ZNF469: variants seen among roughly 807,000 people sequenced by gnomAD.
ZNF469 encodes zinc finger protein 469.
ZNF469 carries 1 observed loss-of-function variant against 1.0 expected under a neutral mutation model. That is an observed-to-expected ratio of 1.00 (90% CI 0.35 to 4.73). The LOEUF (loss-of-function observed/expected upper bound fraction) is 4.73. Among genes scored for constraint, ZNF469 ranks in the 30% most tolerant of loss-of-function variants. The pLI, the probability that ZNF469 is intolerant of heterozygous loss-of-function variation, is 0.16. For missense variants in ZNF469, 6,100 were observed against 5,356.3 expected (o/e 1.14, Z -4.33); for synonymous variants, 2,703 against 2,363.4 (o/e 1.14, Z -4.17).
intron 1 of ZNF469, among the ~76,000 whole-genome samples, chr16:88,390,140 G>A (rs1218592922): frequency 4.6e-5 from 7 of 152,218 alleles, no homozygotes; most frequent in African/African-American, 7.2e-5. Flanking sequence ...CACTGACTCC[G>A]GGAAACCCAG....
chr16:88,270,672 C>T, the ZNF469 span, among the ~76,000 whole-genome samples: 7 of 152,338 alleles, frequency 4.6e-5, no homozygotes, highest in East Asian at 9.7e-4. Flanking sequence ...GCTCACTCCA[C>T]GGGAAAATTC....
chr16:88,368,722 T>G, the ZNF469 span, among the ~76,000 whole-genome samples: 1 of 151,394 alleles, frequency 6.6e-6, no homozygotes, highest in Non-Finnish European at 1.5e-5. Context: ...TCTGGGAGAC[T>G]GTGGCCTGGG....
chr16:88,353,371 C>A, the ZNF469 span, among the ~76,000 whole-genome samples: 4 of 152,294 alleles, frequency 2.6e-5, no homozygotes, highest in African/African-American at 9.6e-5. Context: ...TGTCACTACT[C>A]CCATGCCAAT....
chr16:88,180,746 C>G, the ZNF469 span, among the ~76,000 whole-genome samples: 2 of 71,678 alleles, frequency 2.8e-5, no homozygotes, highest in Non-Finnish European at 5.5e-5. Context: ...TGCACTCCAG[C>G]CTGGGTGACA....
At chr16:88,350,431 A>G in the ZNF469 span, among the ~76,000 whole-genome samples, 1 of 152,220 alleles carries the variant, frequency 6.6e-6, no homozygotes, top group African/African-American at 2.4e-5. Flanking sequence ...GAGGGCAGGG[A>G]AGCCCCACCA....
the ZNF469 span, among the ~76,000 whole-genome samples, chr16:88,270,036 C>T: frequency 6.6e-6 from 1 of 152,222 alleles, no homozygotes; most frequent in African/African-American, 2.4e-5. Flanking sequence ...GCACTGCCTC[C>T]TGTAGACGGG....
chr16:88,127,662 C>T, the ZNF469 span, among the ~76,000 whole-genome samples: 3 of 152,100 alleles, frequency 2.0e-5, no homozygotes, highest in South Asian at 6.2e-4. Flanking sequence ...CCTGGGGCTG[C>T]CCTGTCTCAC....
chr16:88,316,193 G>A, the ZNF469 span, among the ~76,000 whole-genome samples: 3 of 152,226 alleles, frequency 2.0e-5, no homozygotes, highest in East Asian at 1.9e-4. Context: ...GTTTTCATAC[G>A]TTTTGAACAG....
At chr16:88,232,146 T>G in the ZNF469 span, among the ~76,000 whole-genome samples, 1 of 152,014 alleles carries the variant, frequency 6.6e-6, no homozygotes, top group East Asian at 1.9e-4. Context: ...GACGGCAAGG[T>G]CCCTGCTGAG....
rs1485255411 is a variant in ZNF469 at position 88,437,034 on chromosome 16, G to T, written c.9564G>T (p.Trp3188Cys). ...GCCTGAAGGAGGTGGCCGACGTCTG[G>T]ATGTACAACGAGCACCTGCGTGAGC... The part of the protein sequence containing the change: ...GMCLKEVADV[W>C]MYNEHLREHA... Residue 3188 changes from tryptophan (W) to cysteine (C), a missense_variant, in exon 3 of 3, where the codon TGG (tryptophan) becomes TGT (cysteine). By Grantham distance (215) the Trp-to-Cys change is radical. Coordinates refer to ENST00000565624, the MANE Select transcript of ZNF469 (RefSeq NM_001367624.2). 1.3e-6 allele frequency: 2 copies of T among 1,532,592 alleles called. No homozygotes were observed. Among genetic ancestry groups the T allele is most frequent in the East Asian group, 2.5e-5 (1 of 40,690 alleles). 94.9% of individuals were successfully genotyped at this position (1,532,592 alleles called of 1,614,324 possible). A position where few individuals can be genotyped will look rare whatever the true frequency, so the allele number is the denominator to read the frequency against.
At chr16:88,240,003 C>T in the ZNF469 span, among the ~76,000 whole-genome samples, 9 of 150,320 alleles carry the variant, frequency 6.0e-5, no homozygotes, top group Non-Finnish European at 8.9e-5. Flanking sequence ...GCCCCATTGG[C>T]GGTGGAGGGG....
the ZNF469 span, among the ~76,000 whole-genome samples, chr16:88,213,390 C>T: frequency 4.5e-4 from 69 of 152,296 alleles, no homozygotes; most frequent in Middle Eastern, 3.4e-3. Context: ...TGAGCCACCG[C>T]GCCCGGCCTC....
chr16:88,273,252 A>AG, the ZNF469 span, among the ~76,000 whole-genome samples: 103,562 of 150,838 alleles, frequency 0.69, 35,725 homozygotes, highest in East Asian at 0.85. Flanking sequence ...GTGTTATGCT[A>AG]GAAAAGAATG....
chr16:88,426,202 C>T (rs992881800), intron 2 of ZNF469, among the ~76,000 whole-genome samples: 1 of 152,238 alleles, frequency 6.6e-6, no homozygotes, highest in Non-Finnish European at 1.5e-5. Context: ...AGGCCTGTCC[C>T]TTCAGCTCCC....
the ZNF469 span, among the ~76,000 whole-genome samples, chr16:88,239,715 ATTTTTTTTTTT>A: frequency 0.022 from 145 of 6,726 alleles, 1 homozygote; most frequent in Non-Finnish European, 0.026. Context: ...ATATATATAT[ATTTTTTTTTTT>A]TTTTTTTTTT....
chr16:88,289,230 G>GATA, the ZNF469 span, among the ~76,000 whole-genome samples: 64,616 of 150,006 alleles, frequency 0.43, 15,116 homozygotes, highest in African/African-American at 0.64. Flanking sequence ...TGAGGGTGAT[G>GATA]ATGATGATGA....
the ZNF469 span, among the ~76,000 whole-genome samples, chr16:88,335,454 A>G: frequency 6.6e-6 from 1 of 152,174 alleles, no homozygotes; most frequent in Non-Finnish European, 1.5e-5. Flanking sequence ...CCATGGCGAG[A>G]CAGCTGGAAC....
chr16:88,263,849 G>A, the ZNF469 span, among the ~76,000 whole-genome samples: 8 of 152,200 alleles, frequency 5.3e-5, no homozygotes, highest in South Asian at 8.3e-4. Flanking sequence ...CGAGACTGAT[G>A]CGCCGGGCAG....
chr16:88,332,249 A>G, the ZNF469 span, among the ~76,000 whole-genome samples: 2 of 152,198 alleles, frequency 1.3e-5, no homozygotes, highest in African/African-American at 4.8e-5. Context: ...CAAGTGCACT[A>G]CCCCATTAGG....
Sources: allele counts gnomAD v4.1 joint callset (sites outside exome capture counted in the v4.1 genomes callset), GRCh38; gene constraint gnomAD v4.1.1; transcripts MANE v1.5; gene names NCBI Gene and HGNC (gene_info 2026-07-23, HGNC 2026-07-21).